The following PPP2R2B variants were observed in gnomAD, a reference collection of about 807,000 sequenced individuals.
PPP2R2B encodes the protein protein phosphatase 2 regulatory subunit Bbeta.
A neutral mutation model predicts 46.0 loss-of-function variants in PPP2R2B; 5 were observed. That is an observed-to-expected ratio of 0.11 (90% CI 0.06 to 0.23). The LOEUF (loss-of-function observed/expected upper bound fraction) is 0.23. Among genes scored for constraint, PPP2R2B ranks in the 10% least tolerant of loss-of-function variants. The pLI is 1.00. For missense variants in PPP2R2B, 367 were observed against 575.0 expected, an observed-to-expected ratio of 0.64 and a Z score of 3.70; for synonymous variants, 215 against 206.7, an observed-to-expected ratio of 1.04 and a Z score of -0.34.
chr5:146,650,632 A>G lies in PPP2R2B; in HGVS notation c.540T>C (p.Ser180=), dbSNP rs146742970. The change falls in exon 6 of 10, where the codon TCT becomes TCC. Residue 180 remains serine, a synonymous_variant. Coordinates refer to ENST00000394411, the MANE Select transcript of PPP2R2B (RefSeq NM_181675.4). ...NAHTYHINSI[S]VNSDYETYMS... is the part of the protein sequence containing the mutation. Reference sequence around the variant, plus strand: ...TGTAGGTTTCATAGTCGCTGTTGACAGATATGGAGTTGATGTGATATGTGT... The same window carrying G: ...TGTAGGTTTCATAGTCGCTGTTGACGGATATGGAGTTGATGTGATATGTGT... The G allele has an allele frequency of 6.2e-7, 1 of 1,614,132 alleles. No individual in the cohort carries two copies. The highest frequency in any genetic ancestry group is 8.5e-7 in the Non-Finnish European group (1 of 1,179,992).
At chr5:146,601,518 C>T (rs867084449) in intron 7 of PPP2R2B, among the ~76,000 whole-genome samples, 1 of 152,096 alleles carries the variant, frequency 6.6e-6, no homozygotes, top group Non-Finnish European at 1.5e-5. Flanking sequence ...TGCACCCCAG[C>T]CTGGGCAACA....
rs1196898387 is a variant in PPP2R2B, at chr5:146,586,522, T to C, written c.*3425A>G. 6.6e-6 allele frequency: 1 copy of C among 152,166 alleles called. No homozygotes were observed. Among genetic ancestry groups the C allele is most frequent in the Admixed American group, 6.5e-5 (1 of 15,278 alleles). 9.4% of individuals were successfully genotyped at this position (152,166 alleles called of 1,614,324 possible). On this transcript the variant is annotated 3_prime_UTR_variant, in exon 10 of 10. Coordinates refer to ENST00000394411, the MANE Select transcript of PPP2R2B (RefSeq NM_181675.4). ...AAATTGGGCATTTGAGTGTGTACCTTTTATTATAATGGACCCTAGAATATT... is the reference window on the plus strand; with the variant it reads ...AAATTGGGCATTTGAGTGTGTACCTCTTATTATAATGGACCCTAGAATATT...
intron 1 of PPP2R2B, among the ~76,000 whole-genome samples, chr5:146,927,159 C>T (rs913565308): frequency 6.6e-6 from 1 of 152,130 alleles, no homozygotes; most frequent in African/African-American, 2.4e-5. Flanking sequence ...AAAATAAACA[C>T]GTCTCAGGTT....
intron 2 of PPP2R2B, among the ~76,000 whole-genome samples, chr5:146,772,295 G>A (rs1047556840): frequency 6.6e-6 from 1 of 151,136 alleles, no homozygotes; most frequent in East Asian, 1.9e-4. Context: ...GTGAACCACA[G>A]ACAAAAATCC....
At chr5:146,954,128 CTTTTT>C (rs3062371) in intron 1 of PPP2R2B, among the ~76,000 whole-genome samples, 1 of 144,040 alleles carries the variant, frequency 6.9e-6, no homozygotes, top group Non-Finnish European at 1.5e-5. Flanking sequence ...TACCAAGAGA[CTTTTT>C]TTTTTTTTTT....
At position 146,806,018 on chromosome 5, in the gene PPP2R2B, T is replaced by C. The variant is rs139752156; in HGVS notation, c.70+71984A>G. Among the ~76,000 whole-genome samples the C allele has an allele frequency of 4.0e-3, 604 of 152,320 alleles. 8 individuals are homozygous for C. The highest frequency in any genetic ancestry group is 0.014 in the African/African-American group (577 of 41,560). ...AAGTAACATCAAGAAAAAGGCCAAC[T>C]CTTTCAGAATTTTCTGGGAGGCTTG... is the stretch of plus-strand genomic sequence containing the variant. On this transcript the variant is annotated intron_variant, in intron 2 of 9. Coordinates refer to ENST00000394411, the MANE Select transcript of PPP2R2B (RefSeq NM_181675.4).
intron 2 of PPP2R2B, among the ~76,000 whole-genome samples, chr5:146,724,393 A>G (rs1348348329): frequency 6.6e-6 from 1 of 152,098 alleles, no homozygotes; most frequent in Non-Finnish European, 1.5e-5. Context: ...TTGTTTTGCT[A>G]AATAATACAC....
intron 2 of PPP2R2B, among the ~76,000 whole-genome samples, chr5:146,841,799 G>A (rs1451452584): frequency 6.6e-6 from 1 of 152,114 alleles, no homozygotes; most frequent in African/African-American, 2.4e-5. Flanking sequence ...GGGAGCTAGG[G>A]GAGGGATAGC....
intron 1 of PPP2R2B, among the ~76,000 whole-genome samples, chr5:146,977,625 G>A (rs146902849): frequency 0.024 from 3,680 of 152,108 alleles, 125 homozygotes; most frequent in African/African-American, 0.084. Context: ...AACATGCAGC[G>A]TTTGGTTTTC....
At chr5:146,653,648 T>C (rs150368628) in intron 5 of PPP2R2B, among the ~76,000 whole-genome samples, 2 of 152,154 alleles carry the variant, frequency 1.3e-5, no homozygotes, top group Non-Finnish European at 2.9e-5. Flanking sequence ...CTTGTGGCTG[T>C]GGCGACATGG....
At chr5:146,756,856 A>G (rs1753864685) in intron 2 of PPP2R2B, among the ~76,000 whole-genome samples, 1 of 152,300 alleles carries the variant, frequency 6.6e-6, no homozygotes, top group South Asian at 2.1e-4. Context: ...CATTCATTCA[A>G]TTACTGCACA....
intron 1 of PPP2R2B, among the ~76,000 whole-genome samples, chr5:147,015,531 C>A (rs929663343): frequency 8.6e-5 from 13 of 151,544 alleles, no homozygotes; most frequent in African/African-American, 3.1e-4. Context: ...CTTCATGGAG[C>A]CTTCTCTGAT....
At chr5:146,836,035 T>C (rs561906945) in intron 2 of PPP2R2B, among the ~76,000 whole-genome samples, 2 of 152,202 alleles carry the variant, frequency 1.3e-5, no homozygotes, top group African/African-American at 4.8e-5. Context: ...GTTGGTGATA[T>C]ATATATGTAA....
chr5:146,807,138 C>G (rs1489114644), intron 2 of PPP2R2B, among the ~76,000 whole-genome samples: 1 of 152,200 alleles, frequency 6.6e-6, no homozygotes, highest in African/African-American at 2.4e-5. Flanking sequence ...TTTTAACAAG[C>G]TCCTCAGATG....
At position 146,581,820 on chromosome 5, in the gene PPP2R2B, TCATAAGCCACCTG is replaced by T. The variant is rs1157583316; in HGVS notation, c.*8114_*8126del. The T allele has an allele frequency of 2.0e-5, 3 of 152,222 alleles. No individual in the cohort carries two copies. Among genetic ancestry groups the T allele is most frequent in the Non-Finnish European group, 4.4e-5 (3 of 68,032 alleles). The allele number at this position is 152,222 out of a possible 1,614,324, so 9.4% of individuals were successfully genotyped here. A position where few individuals can be genotyped will look rare whatever the true frequency, so the allele number is the denominator to read the frequency against. ...CTCTTTATATATTCAGGCTGAGTCT[TCATAAGCCACCTG>T]CATTTGGAGTTGAAAACCAATGGTC... On this transcript the variant is annotated 3_prime_UTR_variant, in exon 10 of 10. Coordinates refer to ENST00000394411, the MANE Select transcript of PPP2R2B (RefSeq NM_181675.4).
At chr5:147,056,569 A>G (rs78109554), upstream of PPP2R2B, among the ~76,000 whole-genome samples, 1,508 of 152,330 alleles carry the variant, frequency 9.9e-3, 22 homozygotes, top group African/African-American at 0.032. Flanking sequence ...CTGACCCTTC[A>G]TCAATCTGTG....
intron 2 of PPP2R2B, among the ~76,000 whole-genome samples, chr5:146,769,197 C>T (rs537200125): frequency 5.3e-5 from 8 of 152,102 alleles, no homozygotes; most frequent in Non-Finnish European, 8.8e-5. Flanking sequence ...ACAGCCTTCT[C>T]CCTTGCCCTT....
intron 2 of PPP2R2B, among the ~76,000 whole-genome samples, chr5:147,066,047 C>T (rs986729832): frequency 6.6e-6 from 1 of 152,090 alleles, no homozygotes; most frequent in African/African-American, 2.4e-5. Context: ...CAGACTGACT[C>T]CCGAGTCAGG....
chr5:146,767,568 A>G (rs1754567274), intron 2 of PPP2R2B, among the ~76,000 whole-genome samples: 1 of 152,070 alleles, frequency 6.6e-6, no homozygotes, highest in Admixed American at 6.6e-5. Flanking sequence ...CTATATATAT[A>G]TATTTAGTAG....
Sources: gnomAD v4.1 joint callset for allele counts (sites outside exome capture counted in the v4.1 genomes callset) on GRCh38, gnomAD v4.1.1 for gene constraint, MANE v1.5 for transcripts, NCBI Gene and HGNC (gene_info 2026-07-23, HGNC 2026-07-21) for gene names.